Variants in ENG observed in about 807,000 individuals in gnomAD.
The protein encoded by ENG is endoglin, also known as CD105 antigen.
In ENG, 17 loss-of-function variants were observed where a neutral mutation model predicts 71.0. The ratio of observed to expected loss-of-function variants is 0.24; its 90% CI spans 0.16 to 0.36. The LOEUF is 0.36. Among genes scored for constraint, ENG ranks in the 10% least tolerant of loss-of-function variants. The pLI, the probability that ENG is intolerant of heterozygous loss-of-function variation, is 1.00. For missense variants in ENG, 749 were observed against 868.3 expected (o/e 0.86, Z 1.73); for synonymous variants, 360 against 366.9 (o/e 0.98, Z 0.21).
rs1472137141 is a variant in ENG, at chr9:127,843,096, T to C, written c.217A>G (p.Thr73Ala). Residue 73 changes from threonine to alanine, a missense_variant and splice_region_variant, in exon 2 of 15, where the codon ACG becomes GCG. By Grantham distance (58) the Thr-to-Ala change is moderately conservative (BLOSUM62 0). Transcript: ENST00000373203. ...CGACCCTGCCATGGGACACTCACCG[T>C]TGGGAACTCCAGGAAGAGGACATGG... ...EVHVLFLEFP[T>A]GPSQLELTLQ... 13 of 1,614,004 alleles carry C rather than the reference T, an allele frequency of 8.1e-6. No individual in the cohort carries two copies. Among genetic ancestry groups the C allele is most frequent in the Admixed American group, 6.7e-5 (4 of 60,020 alleles).
chr9:127,817,289 C>T (rs1216530480), intron 12 of ENG, 86 bp from the exon 13 acceptor site: 1 of 1,411,916 alleles, frequency 7.1e-7, no homozygotes, highest in Admixed American at 1.8e-5. Flanking sequence ...CCAGCCCACC[C>T]TAGAGCCTTG....
intron 2 of ENG, among the ~76,000 whole-genome samples, chr9:127,839,805 C>T (rs1433553697): frequency 6.6e-6 from 1 of 152,152 alleles, no homozygotes; most frequent in Non-Finnish European, 1.5e-5. Flanking sequence ...ATCTGCCTGC[C>T]TCAGCCTCGC....
At chr9:127,850,594 C>CT (rs1043549704) in intron 1 of ENG, among the ~76,000 whole-genome samples, 10 of 152,370 alleles carry the variant, frequency 6.6e-5, no homozygotes, top group African/African-American at 2.2e-4. Context: ...AACGCAGCCT[C>CT]TAAGAGACAG....
intron 2 of ENG, 121 bp from the exon 3 acceptor site, chr9:127,829,948 C>A: frequency 7.2e-7 from 1 of 1,397,630 alleles, no homozygotes; most frequent in Non-Finnish European, 1.0e-6. Flanking sequence ...TCTGTCCACC[C>A]TCACCTCCCA....
rs746762131 is a variant in ENG, at chr9:127,815,668, G to A, written c.*14C>T. On this transcript the variant is annotated 3_prime_UTR_variant, in exon 15 of 15. Coordinates refer to ENST00000373203, the MANE Select transcript of ENG (RefSeq NM_001114753.3). ...GCTCAGTCTCTCCTGCTGGGCGAGC[G>A]CGGGGGGCCGGGGCTATGCCATGCT... 45 of 1,552,920 alleles carry A rather than the reference G, an allele frequency of 2.9e-5. No homozygotes were observed. Among genetic ancestry groups the A allele is most frequent in the South Asian group, 2.2e-4 (19 of 84,936 alleles).
At chr9:127,844,659 A>T (rs1831128885) in intron 1 of ENG, among the ~76,000 whole-genome samples, 1 of 147,042 alleles carries the variant, frequency 6.8e-6, no homozygotes, top group Admixed American at 6.7e-5. Flanking sequence ...GAACTCCTGG[A>T]CTCAAGAGAT....
chr9:127,827,763 A>G (rs576467828), intron 3 of ENG, among the ~76,000 whole-genome samples: 1 of 151,952 alleles, frequency 6.6e-6, no homozygotes, highest in Admixed American at 6.5e-5. Flanking sequence ...ACGCCTGTAA[A>G]CCAGCACTTT....
Position 127,824,457 on chromosome 9 carries a change from G to A in ENG, c.992-11C>T. On this transcript the variant is annotated splice_polypyrimidine_tract_variant and intron_variant, in intron 7 of 14. Coordinates refer to ENST00000373203, the MANE Select transcript of ENG (RefSeq NM_001114753.3). ...TCTGCAGCCTACCACCTGTGGGGTA[G>A]CAGAGGCAGGCCAGGCGGCTGGTCA... is the stretch of plus-strand genomic sequence containing the variant. 1 of 1,609,946 alleles carries A rather than the reference G, an allele frequency of 6.2e-7. No individual in the cohort carries two copies. Among genetic ancestry groups the A allele is most frequent in the African/African-American group, 1.3e-5 (1 of 74,794 alleles).
chr9:127,835,652 T>C (rs965947614), intron 2 of ENG, among the ~76,000 whole-genome samples: 8 of 152,106 alleles, frequency 5.3e-5, no homozygotes, highest in African/African-American at 1.9e-4. Flanking sequence ...CCCATGGCCA[T>C]CCAGTCCTAC....
At chr9:127,842,834 C>T (rs559261263) in intron 2 of ENG, among the ~76,000 whole-genome samples, 1 of 152,190 alleles carries the variant, frequency 6.6e-6, no homozygotes, top group East Asian at 1.9e-4. Flanking sequence ...TGGTCCCCCC[C>T]ACCCATCTGG....
chr9:127,845,371 C>G (rs1831144124), intron 1 of ENG, among the ~76,000 whole-genome samples: 1 of 152,232 alleles, frequency 6.6e-6, no homozygotes, highest in South Asian at 2.1e-4. Flanking sequence ...CCATTCCCAG[C>G]TCTGTCTTGG....
At position 127,815,507 on chromosome 9, in the gene ENG, A is replaced by G; in HGVS notation, c.*175T>C. On this transcript the variant is annotated 3_prime_UTR_variant, in exon 15 of 15. Coordinates refer to ENST00000373203, the MANE Select transcript of ENG (RefSeq NM_001114753.3). Reference sequence around the variant, plus strand: ...GGGTGGAGGGACCCCAAGGTGTTCCAAGCCAGTGGCTGCACTGGCAGCAGG... The same window carrying G: ...GGGTGGAGGGACCCCAAGGTGTTCCGAGCCAGTGGCTGCACTGGCAGCAGG... 7.7e-7 allele frequency: 1 copy of G among 1,302,136 alleles called. No homozygotes were observed. The highest frequency in any genetic ancestry group is 2.5e-5 in the East Asian group (1 of 39,324). 80.7% of individuals were successfully genotyped at this position (1,302,136 alleles called of 1,614,324 possible).
intron 2 of ENG, among the ~76,000 whole-genome samples, chr9:127,840,686 C>A (rs1831009662): frequency 6.6e-6 from 1 of 152,116 alleles, no homozygotes; most frequent in African/African-American, 2.4e-5. Flanking sequence ...GAGGTGCTGG[C>A]CAGGGACAGA....
In ENG at chr9:127,846,988, G is replaced by GATCAA; in HGVS notation, c.68-3748_68-3744dup. 1.0e-6 allele frequency: 1 copy of GATCAA among 979,836 alleles called. No homozygotes were observed. Among genetic ancestry groups the GATCAA allele is most frequent in the South Asian group, 4.7e-5 (1 of 21,142 alleles). The allele number at this position is 979,836 out of a possible 1,614,324, so 60.7% of individuals were successfully genotyped here. A position where few individuals can be genotyped will look rare whatever the true frequency, so the allele number is the denominator to read the frequency against. On this transcript the variant is annotated intron_variant, in intron 1 of 14. Transcript: ENST00000373203. This position sits in a 1 kb window ranked among gnomAD's most constrained non-coding sequence, Gnocchi z 5.5. The stretch of plus-strand genomic sequence containing the variant: ...AACAGCTCTGGAGCCAGATGGCCTG[G>GATCAA]ATCAAATCCCAGCTCTGCCTCTTAA...
At chr9:127,844,443 G>A (rs1022121193) in intron 1 of ENG, among the ~76,000 whole-genome samples, 1 of 151,140 alleles carries the variant, frequency 6.6e-6, no homozygotes, top group African/African-American at 2.4e-5. Context: ...TTATTTTTTT[G>A]AGACAGACTC....
chr9:127,843,368 C>T, intron 1 of ENG, 123 bp from the exon 2 acceptor site: 1 of 1,274,250 alleles, frequency 7.8e-7, no homozygotes, highest in Non-Finnish European at 1.1e-6. Flanking sequence ...ATCACAGCCA[C>T]CTTATGAGGT....
Position 127,824,349 on chromosome 9 carries a change from A to G in ENG, c.1089T>C (p.Cys363=), listed in dbSNP as rs777177134. 17 of 1,613,972 alleles carry G rather than the reference A, an allele frequency of 1.1e-5. No homozygotes were observed. The East Asian group carries it at 3.3e-4, about 32-fold the overall frequency. The stretch of plus-strand genomic sequence containing the variant: ...GTACCAGGGTCATGGCGTCGTCGGC[A>G]CACTTTGTCTGGATCAAGGACATGA... The part of the protein sequence containing the change: ...ELLMSLIQTK[C]ADDAMTLVLK... The change falls in exon 8 of 15, where the codon TGT becomes TGC. Residue 363 remains cysteine, a synonymous_variant. Transcript: ENST00000373203.
intron 14 of ENG, 65 bp from the exon 15 acceptor site, chr9:127,815,871 G>T: frequency 6.4e-7 from 1 of 1,558,922 alleles, no homozygotes; most frequent in Non-Finnish European, 8.7e-7. Flanking sequence ...CAATCCCTCA[G>T]AGGCTTCACT....
At chr9:127,839,179 G>A (rs1830971424) in intron 2 of ENG, among the ~76,000 whole-genome samples, 1 of 152,016 alleles carries the variant, frequency 6.6e-6, no homozygotes, top group Non-Finnish European at 1.5e-5. Context: ...CATCACCTGC[G>A]GCCCCCTGAA....
Sources: allele counts gnomAD v4.1 joint callset (sites outside exome capture counted in the v4.1 genomes callset), GRCh38; gene constraint gnomAD v4.1.1; non-coding constraint Gnocchi (gnomAD v3.1); transcripts MANE v1.5; gene names NCBI Gene and HGNC (gene_info 2026-07-23, HGNC 2026-07-21).